CCDC102B: variants seen among roughly 807,000 people sequenced by gnomAD.
CCDC102B encodes coiled-coil domain-containing protein 102B.
In CCDC102B, 75 loss-of-function variants were observed where a neutral mutation model predicts 57.4. The ratio of observed to expected loss-of-function variants is 1.31; its 90% CI spans 1.08 to 1.58. The LOEUF is 1.58. Among genes scored for constraint, CCDC102B ranks in the 40% most tolerant of loss-of-function variants. The pLI is 0.00. For synonymous variants in CCDC102B, 206 were observed against 201.9 expected (o/e 1.02, Z -0.17); for missense variants, 636 against 582.6 (o/e 1.09, Z -0.94).
intron 4 of CCDC102B, among the ~76,000 whole-genome samples, chr18:68,856,753 T>A (rs2144855871): frequency 6.6e-6 from 1 of 152,088 alleles, no homozygotes; most frequent in South Asian, 2.1e-4. Flanking sequence ...CAAATATATA[T>A]CTTGAAGATG....
chr18:68,896,671 A>T (rs907497797), intron 5 of CCDC102B, among the ~76,000 whole-genome samples: 27 of 152,044 alleles, frequency 1.8e-4, no homozygotes, highest in Non-Finnish European at 3.4e-4. Context: ...GTAAAATTTT[A>T]AAATATAAAA....
chr18:68,847,497 A>G (rs963655102), intron 4 of CCDC102B, among the ~76,000 whole-genome samples: 5 of 151,924 alleles, frequency 3.3e-5, no homozygotes, highest in Non-Finnish European at 5.9e-5. Context: ...TTAGTTTCAT[A>G]AACCTTTATT....
chr18:68,726,998 T>A (rs2032625580), intron 2 of CCDC102B, among the ~76,000 whole-genome samples: 1 of 152,164 alleles, frequency 6.6e-6, no homozygotes, highest in African/African-American at 2.4e-5. Flanking sequence ...CCCCTCAGAC[T>A]AAATGAGAGA....
At chr18:68,843,507 C>A (rs896936943) in intron 3 of CCDC102B, among the ~76,000 whole-genome samples, 2 of 151,700 alleles carry the variant, frequency 1.3e-5, no homozygotes, top group African/African-American at 4.8e-5. Context: ...TGACAGTAAA[C>A]AAAGTATCAA....
intron 7 of CCDC102B, among the ~76,000 whole-genome samples, chr18:69,031,102 T>C (rs2052129815): frequency 6.6e-6 from 1 of 152,184 alleles, no homozygotes; most frequent in Admixed American, 6.5e-5. Context: ...AAAGAAGAGG[T>C]TGCATGTAAA....
At chr18:68,997,307 C>A (rs970029121) in intron 6 of CCDC102B, among the ~76,000 whole-genome samples, 1 of 152,102 alleles carries the variant, frequency 6.6e-6, no homozygotes, top group Non-Finnish European at 1.5e-5. Flanking sequence ...TATATACTTA[C>A]AATTCTAATT....
intron 2 of CCDC102B, among the ~76,000 whole-genome samples, chr18:68,738,139 G>C (rs986031350): frequency 1.3e-5 from 2 of 152,098 alleles, no homozygotes; most frequent in African/African-American, 4.8e-5. Flanking sequence ...CACAGGTCAT[G>C]GTTCTTGCAT....
chr18:69,034,570 T>TATGTCTA, intron 7 of CCDC102B, among the ~76,000 whole-genome samples: 2 of 152,118 alleles, frequency 1.3e-5, no homozygotes, highest in South Asian at 4.1e-4. Flanking sequence ...CACTGGTCTA[T>TATGTCTA]ATGTCTATGC....
chr18:68,998,624 G>A (rs1446623329), intron 6 of CCDC102B, among the ~76,000 whole-genome samples: 1 of 84,416 alleles, frequency 1.2e-5, no homozygotes, highest in African/African-American at 3.5e-5. Flanking sequence ...TCAGCTTTCA[G>A]TCTGTGGCCA....
upstream of CCDC102B, among the ~76,000 whole-genome samples, chr18:68,794,095 G>C (rs2035552243): frequency 6.6e-6 from 1 of 152,106 alleles, no homozygotes; most frequent in African/African-American, 2.4e-5. Context: ...GGACATAGGA[G>C]AAACCTGATG....
chr18:69,007,949 G>A (rs906244042), intron 6 of CCDC102B, among the ~76,000 whole-genome samples: 5 of 151,912 alleles, frequency 3.3e-5, no homozygotes, highest in Admixed American at 1.3e-4. Flanking sequence ...CTTTTAAATC[G>A]GTCTAAGTAA....
intron 6 of CCDC102B, among the ~76,000 whole-genome samples, chr18:68,953,046 A>G (rs1301751600): frequency 6.6e-6 from 1 of 152,124 alleles, no homozygotes; most frequent in Non-Finnish European, 1.5e-5. Flanking sequence ...AAAGGAATCA[A>G]ATGAATAATC....
intron 2 of CCDC102B, among the ~76,000 whole-genome samples, chr18:68,763,483 TA>T (rs201654342): frequency 1.2e-3 from 177 of 151,992 alleles, no homozygotes; most frequent in African/African-American, 4.1e-3. Flanking sequence ...TCTAACAATG[TA>T]AAAAAAATGC....
chr18:68,845,403 A>G (rs1257383305), intron 3 of CCDC102B, among the ~76,000 whole-genome samples: 1 of 151,820 alleles, frequency 6.6e-6, no homozygotes, highest in Non-Finnish European at 1.5e-5. Flanking sequence ...TCATATAACA[A>G]TCAAAGTGTA....
intron 1 of CCDC102B, among the ~76,000 whole-genome samples, chr18:68,824,879 C>T (rs2036843507): frequency 6.6e-6 from 1 of 152,182 alleles, no homozygotes; most frequent in Admixed American, 6.5e-5. Context: ...CATATACACA[C>T]TGTCATCACA....
intron 7 of CCDC102B, among the ~76,000 whole-genome samples, chr18:69,029,778 G>A (rs1037820879): frequency 4.6e-5 from 7 of 152,102 alleles, no homozygotes; most frequent in Admixed American, 1.3e-4. Flanking sequence ...CAAATCACAG[G>A]CAATGATTAT....
At chr18:68,806,369 C>G (rs929434170) in intron 1 of CCDC102B, among the ~76,000 whole-genome samples, 4 of 151,686 alleles carry the variant, frequency 2.6e-5, no homozygotes, top group Non-Finnish European at 5.9e-5. Flanking sequence ...ATTATGTGGC[C>G]ATGTGGAAGA....
Position 69,055,154 on chromosome 18 carries a change from A to G in CCDC102B, c.*1017A>G. The G allele has an allele frequency of 1.0e-6, 1 of 980,926 alleles. No individual in the cohort carries two copies. The highest frequency in any genetic ancestry group is 1.2e-6 in the Non-Finnish European group (1 of 825,904). The allele number at this position is 980,926 out of a possible 1,614,324, so 60.8% of individuals were successfully genotyped here. A position where few individuals can be genotyped will look rare whatever the true frequency, so the allele number is the denominator to read the frequency against. On this transcript the variant is annotated 3_prime_UTR_variant, in exon 8 of 8. Coordinates refer to ENST00000360242, the MANE Select transcript of CCDC102B (RefSeq NM_024781.3). ...GCCAAAAAAAAATGAAATCTTACTA[A>G]TTCATTATTGAATAAAGACCACTTT...
At position 68,737,478 on chromosome 18, in the gene CCDC102B, AGTG is replaced by A. The variant is rs536515494; in HGVS notation, c.-67+20888_-67+20890del. ...TGGTGGTGGTGGTGGTGGTAGTGGC[AGTG>A]GTGTGTGTATGTGTGTGTGTCTGTG... On this transcript the variant is annotated intron_variant, in intron 2 of 3. Coordinates refer to the CCDC102B transcript ENST00000578970. Among the ~76,000 whole-genome samples the A allele has an allele frequency of 8.5e-4, 127 of 150,100 alleles. No individual in the cohort carries two copies. In the East Asian group the frequency reaches 0.016, roughly 19 times the overall value.
Sources: gnomAD v4.1 joint callset for allele counts (sites outside exome capture counted in the v4.1 genomes callset) on GRCh38, gnomAD v4.1.1 for gene constraint, MANE v1.5 for transcripts, NCBI Gene and HGNC (gene_info 2026-07-23, HGNC 2026-07-21) for gene names.